Variants in LRRC4C observed in about 807,000 individuals in gnomAD.
LRRC4C encodes leucine-rich repeat-containing protein 4C.
Under a neutral mutation model 33.6 loss-of-function variants are expected in LRRC4C, and 5 were observed. The ratio of observed to expected loss-of-function variants is 0.15; its 90% confidence interval spans 0.08 to 0.31. LRRC4C has a LOEUF of 0.31. LRRC4C is among the 10% of genes least tolerant of loss of function. The pLI is 1.00. For synonymous variants in LRRC4C, 329 were observed against 302.0 expected, an observed-to-expected ratio of 1.09 and a Z score of -0.93; for missense variants, 560 against 796.7, an observed-to-expected ratio of 0.70 and a Z score of 3.58.
intron 1 of LRRC4C, among the ~76,000 whole-genome samples, chr11:41,129,739 C>T (rs1468633352): frequency 6.6e-6 from 1 of 151,880 alleles, no homozygotes; most frequent in Non-Finnish European, 1.5e-5. Context: ...CAGACTAGCT[C>T]CTTAGCTCCT....
intron 1 of LRRC4C, among the ~76,000 whole-genome samples, chr11:41,117,170 C>T (rs1218042742): frequency 6.6e-6 from 1 of 152,152 alleles, no homozygotes; most frequent in Non-Finnish European, 1.5e-5. Flanking sequence ...GTCATCTACC[C>T]TACCTGCAGT....
chr11:40,806,666 C>T (rs117787032), intron 2 of LRRC4C, among the ~76,000 whole-genome samples: 1,700 of 152,214 alleles, frequency 0.011, 20 homozygotes, highest in South Asian at 0.031. Context: ...TAAATCTGCC[C>T]AAATCACAAA....
rs145538581 is a variant in LRRC4C, at chr11:40,705,639, C to T, written c.-406-57361G>A. 8.4e-4 allele frequency among the ~76,000 whole-genome samples: 127 copies of T among 152,080 alleles called. 2 individuals carry two copies. The East Asian group carries it at 0.021, about 25-fold the overall frequency. On this transcript the variant is annotated intron_variant, in intron 2 of 6. Transcript: ENST00000528697. ...CATATGGGTTGGTTCCAAGTCTTTG[C>T]TATTGTGAATAGTGCCACAACAAAC...
At chr11:41,284,467 T>C (rs1427169633) in intron 1 of LRRC4C, among the ~76,000 whole-genome samples, 1 of 152,182 alleles carries the variant, frequency 6.6e-6, no homozygotes, top group African/African-American at 2.4e-5. Flanking sequence ...CCTGTGCTGC[T>C]GGCCATTTGG....
At chr11:41,350,249 G>T (rs930074964) in intron 1 of LRRC4C, among the ~76,000 whole-genome samples, 4 of 152,142 alleles carry the variant, frequency 2.6e-5, no homozygotes, top group African/African-American at 9.7e-5. Flanking sequence ...AGTGGCTCAC[G>T]CCTGTAATCC....
intron 1 of LRRC4C, among the ~76,000 whole-genome samples, chr11:41,056,937 C>T (rs1455729355): frequency 1.3e-5 from 2 of 152,164 alleles, no homozygotes; most frequent in Non-Finnish European, 2.9e-5. Context: ...AACCCCACCC[C>T]TACTCAGTAG....
At chr11:40,663,486 A>G (rs1943554248) in intron 2 of LRRC4C, among the ~76,000 whole-genome samples, 1 of 152,210 alleles carries the variant, frequency 6.6e-6, no homozygotes, top group Non-Finnish European at 1.5e-5. Flanking sequence ...CACATTTTCT[A>G]TTATAAGACA....
At chr11:40,765,186 G>A (rs749312162) in intron 2 of LRRC4C, among the ~76,000 whole-genome samples, 16 of 152,104 alleles carry the variant, frequency 1.1e-4, no homozygotes, top group Non-Finnish European at 2.1e-4. Context: ...GTTGGAGGTG[G>A]GGCTTGGTGG....
chr11:40,923,666 G>C (rs1413506343), intron 2 of LRRC4C, among the ~76,000 whole-genome samples: 3 of 152,108 alleles, frequency 2.0e-5, no homozygotes, highest in Non-Finnish European at 4.4e-5. Flanking sequence ...ATATATTGAA[G>C]TTTTTTACTA....
chr11:40,543,926 C>T (rs1591057926), intron 3 of LRRC4C, among the ~76,000 whole-genome samples: 1 of 152,060 alleles, frequency 6.6e-6, no homozygotes, highest in African/African-American at 2.4e-5. Context: ...AGAGTCCTGT[C>T]TTCCATAACA....
chr11:40,880,288 AG>A (rs1239924567), intron 2 of LRRC4C, among the ~76,000 whole-genome samples: 1 of 152,178 alleles, frequency 6.6e-6, no homozygotes, highest in African/African-American at 2.4e-5. Flanking sequence ...CACAGAAATT[AG>A]GATTTAATTA....
intron 1 of LRRC4C, among the ~76,000 whole-genome samples, chr11:41,164,571 T>C (rs892615880): frequency 1.3e-5 from 2 of 152,232 alleles, no homozygotes; most frequent in Non-Finnish European, 2.9e-5. Flanking sequence ...CACTTCTATA[T>C]GACTGGCAGT....
intron 2 of LRRC4C, among the ~76,000 whole-genome samples, chr11:40,690,039 C>G (rs1464634937): frequency 1.3e-5 from 2 of 152,054 alleles, no homozygotes; most frequent in African/African-American, 4.8e-5. Flanking sequence ...GACGAGAGGG[C>G]ACTGGACTTG....
Position 40,391,684 on chromosome 11 carries a change from T to C in LRRC4C, c.-269-71963A>G, listed in dbSNP as rs1261853128. Reference sequence around the variant, plus strand: ...GATAGATCATTATAGCATCACAATTTCCCTGTTTTTACCGGTCAAATGTTG... The same window carrying C: ...GATAGATCATTATAGCATCACAATTCCCCTGTTTTTACCGGTCAAATGTTG... On this transcript the variant is annotated intron_variant, in intron 3 of 6. Transcript: ENST00000528697. Among the ~76,000 whole-genome samples the C allele has an allele frequency of 2.0e-5, 3 of 152,138 alleles. No individual in the cohort carries two copies. The East Asian group carries it at 5.8e-4, about 29-fold the overall frequency.
chr11:40,356,771 C>T (rs1270475711), intron 3 of LRRC4C, among the ~76,000 whole-genome samples: 1 of 152,108 alleles, frequency 6.6e-6, no homozygotes, highest in Non-Finnish European at 1.5e-5. Context: ...CATGAAGAAA[C>T]CATACTAATA....
intron 1 of LRRC4C, among the ~76,000 whole-genome samples, chr11:41,306,391 A>T (rs996722640): frequency 6.6e-6 from 1 of 152,230 alleles, no homozygotes; most frequent in South Asian, 2.1e-4. Flanking sequence ...TAAAATTGAG[A>T]CTTCACTTTG....
chr11:41,335,056 C>T (rs1388272344), intron 1 of LRRC4C, among the ~76,000 whole-genome samples: 2 of 152,156 alleles, frequency 1.3e-5, no homozygotes, highest in African/African-American at 4.8e-5. Flanking sequence ...CTGGTAACAC[C>T]TCCAAACACC....
intron 3 of LRRC4C, among the ~76,000 whole-genome samples, chr11:40,543,003 C>T (rs1315059682): frequency 6.6e-6 from 1 of 152,060 alleles, no homozygotes; most frequent in Non-Finnish European, 1.5e-5. Flanking sequence ...CTTTCAATAG[C>T]TTCTTAAGTT....
At chr11:40,363,404 T>C (rs1381102972) in intron 3 of LRRC4C, among the ~76,000 whole-genome samples, 4 of 152,096 alleles carry the variant, frequency 2.6e-5, no homozygotes, top group Admixed American at 6.6e-5. Context: ...CTGGGGCCTA[T>C]TGGAGGGTGA....
Sources: gnomAD v4.1 joint callset for allele counts (sites outside exome capture counted in the v4.1 genomes callset) on GRCh38, gnomAD v4.1.1 for gene constraint, MANE v1.5 for transcripts, NCBI Gene and HGNC (gene_info 2026-07-23, HGNC 2026-07-21) for gene names.